Variants in ZNF423 observed in about 807,000 individuals in gnomAD.
ZNF423 encodes the protein zinc finger protein 423.
In ZNF423, 12 loss-of-function variants were observed where a neutral mutation model predicts 95.8. The ratio of observed to expected loss-of-function variants is 0.13; its 90% CI spans 0.08 to 0.20. ZNF423 has a LOEUF of 0.20. Ranked by LOEUF, ZNF423 falls within the 10% of genes least tolerant of loss-of-function variation. The probability of loss-of-function intolerance (pLI) is 1.00; values close to 1 mark genes in which losing one functional copy is unlikely to be tolerated. For synonymous variants in ZNF423, 749 were observed against 711.9 expected (o/e 1.05, Z -0.83); for missense variants, 1,316 against 1,737.1 (o/e 0.76, Z 4.31).
chr16:49,768,880 C>T (rs900560425), intron 2 of ZNF423, among the ~76,000 whole-genome samples: 6 of 152,146 alleles, frequency 3.9e-5, no homozygotes, highest in African/African-American at 9.7e-5. Flanking sequence ...CATGGACAAG[C>T]CGAACTTTTG....
chr16:49,833,877 C>T (rs1168727598), intron 1 of ZNF423, among the ~76,000 whole-genome samples: 1 of 152,206 alleles, frequency 6.6e-6, no homozygotes, highest in Non-Finnish European at 1.5e-5. Context: ...CTCCAGGCCG[C>T]TCCTGGATCC....
chr16:49,856,716 C>T (rs2035374937), upstream of ZNF423, among the ~76,000 whole-genome samples: 3 of 148,260 alleles, frequency 2.0e-5, no homozygotes, highest in East Asian at 5.9e-4. Flanking sequence ...CGGCGGCCGG[C>T]AGGCGCGCCC....
At chr16:49,771,797 C>T (rs182152160) in intron 2 of ZNF423, among the ~76,000 whole-genome samples, 18 of 152,268 alleles carry the variant, frequency 1.2e-4, no homozygotes, top group African/African-American at 4.1e-4. Context: ...TTATAAATTA[C>T]CCAGTCTTGG....
chr16:49,540,124 C>T (rs528602673), intron 5 of ZNF423, among the ~76,000 whole-genome samples: 1 of 152,338 alleles, frequency 6.6e-6, no homozygotes, highest in African/African-American at 2.4e-5. Flanking sequence ...CAGACACACA[C>T]ATGCACAGCC....
At chr16:49,585,792 G>A (rs928366229) in intron 5 of ZNF423, among the ~76,000 whole-genome samples, 2 of 152,166 alleles carry the variant, frequency 1.3e-5, no homozygotes, top group Non-Finnish European at 2.9e-5. Context: ...TAATTACAAG[G>A]TGTCCGTCAT....
intron 2 of ZNF423, among the ~76,000 whole-genome samples, chr16:49,755,162 G>A (rs552777810): frequency 6.6e-6 from 1 of 152,300 alleles, no homozygotes; most frequent in African/African-American, 2.4e-5. Flanking sequence ...TCAGCTCTCT[G>A]GAGCCAGAAT....
At chr16:49,514,748 C>G (rs968322380) in intron 7 of ZNF423, among the ~76,000 whole-genome samples, 1 of 152,328 alleles carries the variant, frequency 6.6e-6, no homozygotes, top group South Asian at 2.1e-4. Flanking sequence ...CTGGGCTGGC[C>G]GCTTTGCCAC....
At chr16:49,604,864 C>G (rs754925051) in intron 5 of ZNF423, among the ~76,000 whole-genome samples, 25 of 152,126 alleles carry the variant, frequency 1.6e-4, no homozygotes, top group Non-Finnish European at 2.8e-4. Flanking sequence ...CGGACACTGT[C>G]CCCTCCAGAA....
intron 3 of ZNF423, among the ~76,000 whole-genome samples, chr16:49,702,851 C>T (rs893907227): frequency 6.6e-6 from 1 of 151,768 alleles, no homozygotes; most frequent in Admixed American, 6.6e-5. Context: ...AGTTTCTCGG[C>T]CACAGACCCA....
rs1971921632 is a variant in ZNF423, at chr16:49,617,609, C to T, written c.3601+8561G>A. On this transcript the variant is annotated intron_variant, in intron 5 of 7. Coordinates refer to ENST00000563137, the MANE Select transcript of ZNF423 (RefSeq NM_001379286.1). Reference sequence around the variant, plus strand: ...CCTCACTTCCATCCTTCCTCTTCCCCTCCCTGCTGGATCTCTCTCCCGAAC... The same window carrying T: ...CCTCACTTCCATCCTTCCTCTTCCCTTCCCTGCTGGATCTCTCTCCCGAAC... Among the ~76,000 whole-genome samples, 3 of 152,326 alleles carry T rather than the reference C, an allele frequency of 2.0e-5. No homozygotes were observed. The South Asian group carries it at 6.2e-4, about 32-fold the overall frequency.
At position 49,769,304 on chromosome 16, in the gene ZNF423, G is replaced by A. The variant is rs1025391240; in HGVS notation, c.100+20183C>T. Among the ~76,000 whole-genome samples the A allele has an allele frequency of 1.1e-3, 163 of 150,872 alleles. 2 individuals carry two copies. The highest frequency in any genetic ancestry group is 3.8e-3 in the African/African-American group (155 of 40,968). On this transcript the variant is annotated intron_variant, in intron 2 of 7. Transcript: ENST00000563137. Reference sequence around the variant, plus strand: ...CGGGAGGTGGAGGTTGCAGTGAGCCGAGATCGCGCCAATGCACTCCAGCCT... The same window carrying A: ...CGGGAGGTGGAGGTTGCAGTGAGCCAAGATCGCGCCAATGCACTCCAGCCT...
chr16:49,744,899 C>T (rs551473759), intron 2 of ZNF423, among the ~76,000 whole-genome samples: 1 of 152,310 alleles, frequency 6.6e-6, no homozygotes, highest in Admixed American at 6.5e-5. Context: ...GTTCTTTAGT[C>T]AACATGAAGC....
intron 3 of ZNF423, among the ~76,000 whole-genome samples, chr16:49,645,533 C>G (rs1973137604): frequency 6.6e-6 from 1 of 152,186 alleles, no homozygotes; most frequent in Admixed American, 6.5e-5. Context: ...TCTCCTGACT[C>G]CCAATGCTAG....
chr16:49,714,009 G>A (rs1309244433), intron 3 of ZNF423, among the ~76,000 whole-genome samples: 5 of 152,176 alleles, frequency 3.3e-5, no homozygotes, highest in Admixed American at 3.3e-4. Flanking sequence ...CCGGCAGTGT[G>A]GTAAAGGAAG....
At chr16:49,567,793 T>C (rs889376417) in intron 5 of ZNF423, among the ~76,000 whole-genome samples, 10 of 152,214 alleles carry the variant, frequency 6.6e-5, no homozygotes, top group African/African-American at 1.9e-4. Flanking sequence ...TCCCTTCCCA[T>C]GGACCCAGCC....
chr16:49,659,406 T>C (rs907066512), intron 3 of ZNF423, among the ~76,000 whole-genome samples: 1 of 152,234 alleles, frequency 6.6e-6, no homozygotes, highest in Non-Finnish European at 1.5e-5. Context: ...TACTATTTAA[T>C]GCATTTAAGC....
intron 5 of ZNF423, among the ~76,000 whole-genome samples, chr16:49,529,911 T>C (rs1968777621): frequency 2.0e-5 from 3 of 151,782 alleles, no homozygotes; most frequent in Admixed American, 1.3e-4. Context: ...GGAACCCCCC[T>C]CGGGAAAGCT....
At chr16:49,503,828 C>A (rs1448053652) in intron 7 of ZNF423, among the ~76,000 whole-genome samples, 1 of 152,150 alleles carries the variant, frequency 6.6e-6, no homozygotes, top group Admixed American at 6.5e-5. Context: ...TGACAGCCTG[C>A]AAGCTACTGT....
rs1967017330 is a variant in ZNF423, at chr16:49,492,615, C to T, written c.3850-1311G>A. On this transcript the variant is annotated intron_variant, in intron 7 of 7. Coordinates refer to ENST00000563137, the MANE Select transcript of ZNF423 (RefSeq NM_001379286.1). This position sits in a 1 kb window ranked among gnomAD's most constrained non-coding sequence, Gnocchi z 4.2. ...GTCACCGACCCTTCCTGCGAGCTCC[C>T]GGCCGGGAAGAGGCAGCCCGCGCCT... 6.6e-6 allele frequency among the ~76,000 whole-genome samples: 1 copy of T among 152,196 alleles called. No individual in the cohort carries two copies. Among genetic ancestry groups the T allele is most frequent in the African/African-American group, 2.4e-5 (1 of 41,452 alleles).
Sources: gnomAD v4.1 joint callset for allele counts (sites outside exome capture counted in the v4.1 genomes callset) on GRCh38, gnomAD v4.1.1 for gene constraint, Gnocchi (gnomAD v3.1) non-coding constraint, MANE v1.5 for transcripts, NCBI Gene and HGNC (gene_info 2026-07-23, HGNC 2026-07-21) for gene names.